RPS6KA6: variants seen among roughly 807,000 people sequenced by gnomAD.
RPS6KA6 encodes the protein ribosomal protein S6 kinase alpha-6.
In RPS6KA6, 27 loss-of-function variants were observed where a neutral mutation model predicts 65.4. The observed-to-expected ratio is 0.41, with a 90% CI of 0.30 to 0.57. The LOEUF (loss-of-function observed/expected upper bound fraction) is 0.57, where lower values mean the gene tolerates loss of function less well. RPS6KA6 is among the 20% of genes least tolerant of loss of function. The pLI is 0.24. For synonymous variants in RPS6KA6, 190 were observed against 184.2 expected (o/e 1.03, Z -0.26); for missense variants, 486 against 555.6 (o/e 0.87, Z 1.26).
intron 3 of RPS6KA6, among the ~76,000 whole-genome samples, chrX:84,153,381 ATAAT>A (rs776132430): frequency 3.8e-4 from 42 of 111,713 alleles, no homozygotes; most frequent in Admixed American, 3.4e-3. Context: ...GTGTTTTAAA[ATAAT>A]TAATGTAAGT....
intron 1 of RPS6KA6, chrX:84,187,480 G>C (rs778658156): frequency 5.3e-6 from 1 of 187,113 alleles, no homozygotes; most frequent in East Asian, 1.0e-4. Flanking sequence ...CGGAGAAAAA[G>C]GGACGCGCGG....
At chrX:84,128,242 T>C (rs1262624817) in intron 8 of RPS6KA6, among the ~76,000 whole-genome samples, 3 of 110,943 alleles carry the variant, frequency 2.7e-5, no homozygotes, top group East Asian at 2.8e-4. Flanking sequence ...ATCAAATACA[T>C]AGTAATTAAC....
intron 8 of RPS6KA6, among the ~76,000 whole-genome samples, chrX:84,132,907 G>T (rs2034926989): frequency 1.0e-5 from 1 of 99,471 alleles, no homozygotes; most frequent in Admixed American, 1.1e-4. Context: ...TTTTAAAGTG[G>T]ACTAGTGAAA....
intron 12 of RPS6KA6, among the ~76,000 whole-genome samples, chrX:84,115,935 C>T (rs192188927): frequency 3.6e-5 from 4 of 110,271 alleles, no homozygotes; most frequent in African/African-American, 1.3e-4. Context: ...TAATAGACAC[C>T]GAGGACTCCA....
At chrX:84,143,153 G>A (rs1195412442) in intron 6 of RPS6KA6, among the ~76,000 whole-genome samples, 1 of 110,932 alleles carries the variant, frequency 9.0e-6, no homozygotes, top group Non-Finnish European at 1.9e-5. Flanking sequence ...TAAATGCAAG[G>A]TTGGTTCAAC....
chrX:84,185,902 AAAAC>A (rs1224473012), intron 1 of RPS6KA6, among the ~76,000 whole-genome samples: 3 of 112,056 alleles, frequency 2.7e-5, no homozygotes, highest in East Asian at 2.8e-4. Flanking sequence ...AATATAATTA[AAAAC>A]AAACAAACTC....
At chrX:84,157,331 C>G (rs1166744176) in intron 2 of RPS6KA6, among the ~76,000 whole-genome samples, 2 of 111,467 alleles carry the variant, frequency 1.8e-5, no homozygotes, top group African/African-American at 3.3e-5. Context: ...TCAGATGTTT[C>G]TTATACATCA....
chrX:84,110,286 C>T (rs1225956808), intron 12 of RPS6KA6, among the ~76,000 whole-genome samples: 1 of 111,943 alleles, frequency 8.9e-6, no homozygotes, highest in East Asian at 2.8e-4. Flanking sequence ...GAGACCTTGG[C>T]ACTGCTCACC....
intron 8 of RPS6KA6, among the ~76,000 whole-genome samples, chrX:84,125,570 A>G (rs1273721966): frequency 9.0e-6 from 1 of 111,619 alleles, no homozygotes; most frequent in African/African-American, 3.3e-5. Flanking sequence ...ATAAAGAGAA[A>G]AAGGCTGGGT....
intron 8 of RPS6KA6, among the ~76,000 whole-genome samples, chrX:84,130,492 C>T (rs1465393222): frequency 9.0e-6 from 1 of 111,615 alleles, no homozygotes; most frequent in Admixed American, 9.5e-5. Context: ...ACTAATCTCA[C>T]TCCTTATGTA....
rs1387588302 is a variant in RPS6KA6, at chrX:84,105,853, G to T, written c.1389C>A (p.Asp463Glu). ...TCAATATTTCAATCTCTTCTGAAGG[G>T]TCTCGCTTACTTTTGTCAATGATCT... is the stretch of plus-strand genomic sequence containing the variant. ...AVKIIDKSKRDPSEEIEILMR... is the reference protein window; with the variant it reads ...AVKIIDKSKREPSEEIEILMR... The change falls in exon 16 of 22, where the codon GAC becomes GAA. Residue 463 changes from aspartate (D) to glutamate (E), a missense_variant. Asp to Glu is a conservative substitution (Grantham distance 45, BLOSUM62 2). Transcript: ENST00000262752. 2.6e-6 allele frequency: 3 copies of T among 1,157,007 alleles called. No individual in the cohort carries two copies. The highest frequency in any genetic ancestry group is 1.8e-5 in the African/African-American group (1 of 55,818).
At chrX:84,075,724 T>C (rs1332253974) in intron 20 of RPS6KA6, among the ~76,000 whole-genome samples, 3 of 109,780 alleles carry the variant, frequency 2.7e-5, no homozygotes, top group African/African-American at 9.9e-5. Context: ...GGGAAGACTA[T>C]GGAGCAACAT....
In RPS6KA6 at chrX:84,104,524, G is replaced by C. The variant is rs771540272; in HGVS notation, c.1589C>G (p.Thr530Arg). ...ASDILYVISKTVDYLHCQGVV... is the reference protein window; with the variant it reads ...ASDILYVISKRVDYLHCQGVV... ...TCCTTGACAATGAAGATAGTCAACT[G>C]TCTTACTTATTACATATAGTATATC... is the stretch of plus-strand genomic sequence containing the variant. Residue 530 changes from threonine to arginine, a missense_variant, in exon 17 of 22, where the codon ACA (threonine) becomes AGA (arginine). Thr to Arg is a moderately conservative substitution (Grantham distance 71). This residue lies in a region of RPS6KA6 where 345 missense variants were observed against 375.0 expected (regional missense o/e 0.92). Coordinates refer to ENST00000262752, the MANE Select transcript of RPS6KA6 (RefSeq NM_014496.5). 8.6e-7 allele frequency: 1 copy of C among 1,161,059 alleles called. No homozygotes were observed. Among genetic ancestry groups the C allele is most frequent in the South Asian group, 2.1e-5 (1 of 47,233 alleles).
intron 12 of RPS6KA6, 118 bp from the exon 13 acceptor site, chrX:84,107,843 G>A (rs1414554753): frequency 4.3e-5 from 15 of 345,868 alleles, no homozygotes; most frequent in Non-Finnish European, 5.0e-5. Flanking sequence ...CAATTTCATA[G>A]TTTCAGATAA....
At chrX:84,167,093 G>T (rs1455541058) in intron 1 of RPS6KA6, among the ~76,000 whole-genome samples, 1 of 110,935 alleles carries the variant, frequency 9.0e-6, no homozygotes, top group Non-Finnish European at 1.9e-5. Flanking sequence ...AAGGAAAAAT[G>T]GGGAAAATAT....
chrX:84,159,971 G>T lies in RPS6KA6; in HGVS notation c.142-3780C>A, dbSNP rs1053406438. ...CCAACACCTTGATCTCAATCTTATAGAATGCAGCATCTTGGGAAAATAAAT... is the reference window on the plus strand; with the variant it reads ...CCAACACCTTGATCTCAATCTTATATAATGCAGCATCTTGGGAAAATAAAT... On this transcript the variant is annotated intron_variant, in intron 2 of 21. Transcript: ENST00000262752. Among the ~76,000 whole-genome samples, 5 of 111,173 alleles carry T rather than the reference G, an allele frequency of 4.5e-5. No individual in the cohort carries two copies. The East Asian group carries it at 1.4e-3, about 32-fold the overall frequency.
chrX:84,080,538 T>C (rs1448354642), intron 20 of RPS6KA6, among the ~76,000 whole-genome samples: 1 of 93,749 alleles, frequency 1.1e-5, no homozygotes, highest in Non-Finnish European at 2.1e-5. Context: ...AGTGGGAGAC[T>C]TTAACACCCC....
At chrX:84,107,558 G>A (rs755788993) in intron 13 of RPS6KA6, 65 bp downstream of exon 13, 3 of 701,311 alleles carry the variant, frequency 4.3e-6, no homozygotes, top group Non-Finnish European at 6.2e-6. Flanking sequence ...TACTTCACAA[G>A]AAAGTTTATT....
At chrX:84,144,647 A>G (rs192122775) in intron 6 of RPS6KA6, among the ~76,000 whole-genome samples, 1 of 111,199 alleles carries the variant, frequency 9.0e-6, no homozygotes, top group East Asian at 2.8e-4. Flanking sequence ...ACATATACCT[A>G]GCACATGACC....
Sources: gnomAD v4.1 joint callset for allele counts (sites outside exome capture counted in the v4.1 genomes callset) on GRCh38, gnomAD v4.1.1 for gene constraint, gnomAD v4.1.1 regional missense constraint, MANE v1.5 for transcripts, NCBI Gene and HGNC (gene_info 2026-07-23, HGNC 2026-07-21) for gene names.